Variants in DNAH6 observed in about 807,000 individuals in gnomAD.
DNAH6 encodes the protein dynein axonemal heavy chain 6.
In DNAH6, 340 loss-of-function variants were observed where a neutral mutation model predicts 491.4. The observed-to-expected ratio is 0.69, with a 90% CI of 0.63 to 0.76. The LOEUF (loss-of-function observed/expected upper bound fraction) is 0.76. Ranked by LOEUF, DNAH6 falls within the 30% of genes least tolerant of loss-of-function variation. The pLI, the probability that DNAH6 is intolerant of heterozygous loss-of-function variation, is 0.00. For missense variants in DNAH6, 4,443 were observed against 4,972.2 expected, an observed-to-expected ratio of 0.89 and a Z score of 3.20; for synonymous variants, 1,603 against 1,686.1, an observed-to-expected ratio of 0.95 and a Z score of 1.21.
At chr2:84,595,579 A>G in intron 17 of DNAH6, 67 bp from the exon 18 acceptor site, 1 of 1,380,058 alleles carries the variant, frequency 7.2e-7, no homozygotes, top group Non-Finnish European at 9.6e-7. Flanking sequence ...AAGTTTTTTT[A>G]GTATTTCAAA....
At chr2:84,801,268 AG>A (rs1678882727) in intron 70 of DNAH6, among the ~76,000 whole-genome samples, 3 of 150,168 alleles carry the variant, frequency 2.0e-5, no homozygotes, top group African/African-American at 7.3e-5. Context: ...AAAAAGAAAA[AG>A]AAAAAAAAAA....
chr2:84,709,441 G>A lies in DNAH6; in HGVS notation c.9147G>A (p.Arg3049=). The A allele has an allele frequency of 6.4e-7, 1 of 1,551,698 alleles. No homozygotes were observed. Among genetic ancestry groups the A allele is most frequent in the East Asian group, 2.4e-5 (1 of 40,910 alleles). The change falls in exon 55 of 77, where the codon CGG becomes CGA. Residue 3049 remains arginine, a synonymous_variant. Transcript: ENST00000389394. ...TTCTTGGAGATCCCTACGAGATACG[G>A]CAGTGGAACACTGATGGGCTGCCCC... The part of the protein sequence containing the change: ...INILGDPYEI[R]QWNTDGLPRD...
intron 13 of DNAH6, among the ~76,000 whole-genome samples, chr2:84,578,491 G>A (rs1352084762): frequency 6.6e-6 from 1 of 152,180 alleles, no homozygotes. Flanking sequence ...GTATGATCTA[G>A]TGGCTCAGTG....
chr2:84,557,994 A>G, intron 11 of DNAH6, 59 bp downstream of exon 11: 1 of 1,141,626 alleles, frequency 8.8e-7, no homozygotes, highest in Non-Finnish European at 1.2e-6. Flanking sequence ...GAAATTAAGT[A>G]ATATATATTT....
chr2:84,625,066 A>G lies in DNAH6; in HGVS notation c.4515+3A>G, dbSNP rs1687732446. The G allele has an allele frequency of 6.5e-7, 1 of 1,527,394 alleles. No individual in the cohort carries two copies. The highest frequency in any genetic ancestry group is 1.4e-5 in the African/African-American group (1 of 72,144). 94.6% of individuals were successfully genotyped at this position (1,527,394 alleles called of 1,614,324 possible). A position where few individuals can be genotyped will look rare whatever the true frequency, so the allele number is the denominator to read the frequency against. On this transcript the variant is annotated splice_donor_region_variant and intron_variant, in intron 29 of 76. Coordinates refer to ENST00000389394, the MANE Select transcript of DNAH6 (RefSeq NM_001370.2). Reference sequence around the variant, plus strand: ...GTTCAGATGGTTTGGACTACAAGGTACAGTTCTTGCATCTGAATATTAACA... The same window carrying G: ...GTTCAGATGGTTTGGACTACAAGGTGCAGTTCTTGCATCTGAATATTAACA...
the DNAH6 span, among the ~76,000 whole-genome samples, chr2:84,468,990 G>A: frequency 5.9e-5 from 9 of 152,092 alleles, no homozygotes; most frequent in Non-Finnish European, 1.0e-4. Context: ...AGCTTGTTGG[G>A]TTGTCTTGAA....
rs753886211 is a variant in DNAH6, at chr2:84,694,393, T to C, written c.7437T>C (p.Tyr2479=). The C allele has an allele frequency of 2.1e-5, 33 of 1,552,264 alleles. No individual in the cohort carries two copies. The South Asian group carries it at 3.4e-4, about 16-fold the overall frequency. ...LQIELSRGYN[Y]DSFHEDLRKL... ...TTGAACTCAGCCGGGGATATAATTA[T>C]GATAGTTTTCATGAAGACCTGAGGA... Residue 2479 remains tyrosine (Y), a synonymous_variant, in exon 46 of 77, where the codon TAT becomes TAC. Transcript: ENST00000389394.
chr2:84,700,217 G>A (rs1192284), intron 48 of DNAH6, among the ~76,000 whole-genome samples: 21,327 of 152,162 alleles, frequency 0.14, 2,259 homozygotes, highest in African/African-American at 0.3. Context: ...CGAGTTAAGC[G>A]CTGTGGGACC....
intron 37 of DNAH6, among the ~76,000 whole-genome samples, chr2:84,669,009 G>T (rs1368463937): frequency 6.6e-6 from 1 of 152,150 alleles, no homozygotes; most frequent in Non-Finnish European, 1.5e-5. Flanking sequence ...ATTTGGCATG[G>T]CGTAAGCCCT....
intron 69 of DNAH6, among the ~76,000 whole-genome samples, chr2:84,796,889 A>G (rs966164670): frequency 3.9e-5 from 6 of 152,162 alleles, no homozygotes; most frequent in African/African-American, 1.4e-4. Flanking sequence ...AAATAAAGAA[A>G]AGAAAATGTC....
At chr2:84,500,225 G>T in the DNAH6 span, among the ~76,000 whole-genome samples, 1 of 152,038 alleles carries the variant, frequency 6.6e-6, no homozygotes. Flanking sequence ...GAGAGATGGG[G>T]GTCTAGTCTC....
rs1421458822 is a variant in DNAH6, at chr2:84,702,756, G to A, written c.8062-639G>A. Among the ~76,000 whole-genome samples the A allele has an allele frequency of 1.1e-4, 16 of 151,998 alleles. No homozygotes were observed. The South Asian group carries it at 3.1e-3, about 30-fold the overall frequency. On this transcript the variant is annotated intron_variant, in intron 49 of 76. Transcript: ENST00000389394. ...ATGGGGTTTTGCTGTAGCCAGGATG[G>A]TCTCAATCTGACCTCGTGATCCGCC...
chr2:84,564,263 T>C (rs952021108), intron 11 of DNAH6, among the ~76,000 whole-genome samples: 4 of 152,238 alleles, frequency 2.6e-5, no homozygotes, highest in African/African-American at 9.6e-5. Flanking sequence ...AGGAATTGCA[T>C]TGAATCTGTA....
intron 20 of DNAH6, 58 bp downstream of exon 20, chr2:84,605,650 A>T: frequency 8.9e-7 from 1 of 1,129,222 alleles, no homozygotes. Flanking sequence ...CCTAGTCTTA[A>T]ATCTTCTGTG....
chr2:84,588,102 T>C (rs1175908943), intron 15 of DNAH6, among the ~76,000 whole-genome samples: 1 of 152,222 alleles, frequency 6.6e-6, no homozygotes, highest in African/African-American at 2.4e-5. Context: ...CAGGATTCCC[T>C]GCATATCATG....
intron 22 of DNAH6, 42 bp downstream of exon 22, chr2:84,611,896 T>A (rs1367346129): frequency 3.3e-6 from 5 of 1,504,716 alleles, no homozygotes; most frequent in African/African-American, 1.4e-5. Context: ...ACTACAATCT[T>A]TTAGTAGTCT....
intron 70 of DNAH6, among the ~76,000 whole-genome samples, chr2:84,799,213 C>T (rs1340975570): frequency 3.9e-5 from 6 of 152,178 alleles, no homozygotes; most frequent in Non-Finnish European, 5.9e-5. Flanking sequence ...GTCTCGAATT[C>T]CTGACCTCAG....
chr2:84,697,630 T>C lies in DNAH6; in HGVS notation c.7580T>C (p.Val2527Ala). ...DINNILNSGE[V>A]PNLFEKDELE... is the part of the protein sequence containing the mutation. ...AATAACATCCTGAACTCAGGTGAAG[T>C]GCCTAATTTATTTGAAAAGGATGAA... The change falls in exon 47 of 77, where the codon GTG (valine) becomes GCG (alanine). Residue 2527 changes from valine to alanine, a missense_variant. Physicochemically the swap from Val to Ala is moderately conservative, Grantham distance 64 (BLOSUM62 0). Coordinates refer to ENST00000389394, the MANE Select transcript of DNAH6 (RefSeq NM_001370.2). 1 of 1,551,958 alleles carries C rather than the reference T, an allele frequency of 6.4e-7. No homozygotes were observed. The highest frequency in any genetic ancestry group is 1.7e-4 in the Middle Eastern group (1 of 5,996).
chr2:84,626,279 T>G (rs948172895), intron 29 of DNAH6, among the ~76,000 whole-genome samples: 9 of 152,178 alleles, frequency 5.9e-5, no homozygotes, highest in Non-Finnish European at 1.5e-5. Flanking sequence ...AGACACAACT[T>G]TGTGTGTCTA....
Sources: allele counts gnomAD v4.1 joint callset (sites outside exome capture counted in the v4.1 genomes callset), GRCh38; gene constraint gnomAD v4.1.1; transcripts MANE v1.5; gene names NCBI Gene and HGNC (gene_info 2026-07-23, HGNC 2026-07-21).